USP42: variants seen among roughly 807,000 people sequenced by gnomAD.
The protein encoded by USP42 is ubiquitin carboxyl-terminal hydrolase 42.
Under a neutral mutation model 113.0 loss-of-function variants are expected in USP42, and 23 were observed. The observed-to-expected ratio is 0.20, with a 90% confidence interval of 0.15 to 0.29. The LOEUF is 0.29. Ranked by LOEUF, USP42 falls within the 10% of genes least tolerant of loss-of-function variation. USP42 has a pLI of 1.00. For missense variants in USP42, 2,174 were observed against 1,779.8 expected (o/e 1.22, Z -3.99); for synonymous variants, 933 against 699.0 (o/e 1.33, Z -5.28).
chr7:6,147,819 G>C lies in USP42; in HGVS notation c.1313G>C (p.Ser438Thr). The C allele has an allele frequency of 6.2e-7, 1 of 1,613,706 alleles. No homozygotes were observed. The highest frequency in any genetic ancestry group is 8.5e-7 in the Non-Finnish European group (1 of 1,179,730). Residue 438 changes from serine (S) to threonine (T), a missense_variant, in exon 12 of 18, where the codon AGT becomes ACT. Physicochemically the swap from Ser to Thr is moderately conservative, Grantham distance 58 (BLOSUM62 1). Coordinates refer to ENST00000306177, the MANE Select transcript of USP42 (RefSeq NM_032172.3). ...CAGTCCTCTCCCCGCCCCGTCATCA[G>C]TCAGCGGGTTGTCACCAACAAACAG... ...PGQSSPRPVI[S>T]QRVVTNKQAA...
rs1416430039 is a variant in USP42 at position 6,158,245 on chromosome 7, G to T, written c.3943+1190G>T. 6.6e-6 allele frequency among the ~76,000 whole-genome samples: 1 copy of T among 152,268 alleles called. No homozygotes were observed. The highest frequency in any genetic ancestry group is 2.4e-5 in the African/African-American group (1 of 41,474). On this transcript the variant is annotated intron_variant, in intron 16 of 17. Coordinates refer to ENST00000306177, the MANE Select transcript of USP42 (RefSeq NM_032172.3). The surrounding 1 kb of genome is among the most constrained non-coding windows in gnomAD (Gnocchi z 4.2). ...GCGGCTTCGCTGTCACTGCCTGGCA[G>T]AGGTGAGTGGCTGCGGCAGGGCAGG...
the USP42 span, among the ~76,000 whole-genome samples, chr7:6,094,740 C>T: frequency 2.0e-5 from 3 of 150,956 alleles, no homozygotes; most frequent in Non-Finnish European, 4.4e-5. Context: ...AACCTCCACC[C>T]TCAGCCCCAC....
chr7:6,147,885 T>C lies in USP42; in HGVS notation c.1379T>C (p.Met460Thr), dbSNP rs767461178. 3.0e-5 allele frequency: 48 copies of C among 1,608,332 alleles called. No individual in the cohort carries two copies. In the Admixed American group the frequency reaches 7.8e-4, roughly 26 times the overall value. Residue 460 changes from methionine to threonine, a missense_variant, in exon 12 of 18, where the codon ATG (methionine) becomes ACG (threonine). Met to Thr is a moderately conservative substitution (Grantham distance 81). Coordinates refer to ENST00000306177, the MANE Select transcript of USP42 (RefSeq NM_032172.3). The part of the protein sequence containing the change: ...GFIGPQLPSH[M>T]IKNPPHLNGT... ...ATCGGACCACAGCTTCCCTCTCACA[T>C]GATAAAGGTAACAGTCCTTAGGGAG... is the stretch of plus-strand genomic sequence containing the variant.
At position 6,111,248 on chromosome 7, in the gene USP42, G is replaced by A. The variant is rs771144608; in HGVS notation, c.115G>A (p.Gly39Ser). The change falls in exon 2 of 18, where the codon GGT (glycine) becomes AGT (serine). Residue 39 changes from glycine (G) to serine (S), a missense_variant. Physicochemically the swap from Gly to Ser is moderately conservative, Grantham distance 56 (BLOSUM62 0). Coordinates refer to ENST00000306177, the MANE Select transcript of USP42 (RefSeq NM_032172.3). Reference protein sequence around the residue: ...GDMDAGSASWGAVSSLNDVSN... With the variant: ...GDMDAGSASWSAVSSLNDVSN... ...CATGGATGCAGGTTCTGCCAGCTGG[G>A]GTGCTGTGTCTTCATTGAATGATGT... The A allele has an allele frequency of 1.2e-6, 2 of 1,608,566 alleles. No individual in the cohort carries two copies. Among genetic ancestry groups the A allele is most frequent in the Middle Eastern group, 1.7e-4 (1 of 6,058 alleles).
chr7:6,148,779 G>A (rs1337857908), intron 12 of USP42, among the ~76,000 whole-genome samples: 1 of 152,174 alleles, frequency 6.6e-6, no homozygotes, highest in South Asian at 2.1e-4. Flanking sequence ...ATGGACATCA[G>A]GCAGTATATT....
intron 12 of USP42, among the ~76,000 whole-genome samples, 169 bp from the exon 13 acceptor site, chr7:6,149,414 C>T (rs570493911): frequency 4.0e-5 from 6 of 150,604 alleles, no homozygotes; most frequent in Admixed American, 1.3e-4. Flanking sequence ...GGAAAGTATG[C>T]GCGGGTAGGA....
At chr7:6,114,025 C>T (rs533601553) in intron 2 of USP42, among the ~76,000 whole-genome samples, 1 of 152,258 alleles carries the variant, frequency 6.6e-6, no homozygotes, top group Non-Finnish European at 1.5e-5. Context: ...GTTTCTTGAG[C>T]TTCATCTTGA....
chr7:6,148,907 T>A (rs1781872041), intron 12 of USP42, among the ~76,000 whole-genome samples: 1 of 152,182 alleles, frequency 6.6e-6, no homozygotes, highest in African/African-American at 2.4e-5. Context: ...GAAGGGGTGG[T>A]TGGCATTGCT....
At chr7:6,090,759 A>G in the USP42 span, among the ~76,000 whole-genome samples, 10 of 145,742 alleles carry the variant, frequency 6.9e-5, no homozygotes, top group Admixed American at 1.4e-4. Flanking sequence ...ATTATATACT[A>G]TATATATTAT....
chr7:6,160,329 C>G (rs569434808), intron 17 of USP42, among the ~76,000 whole-genome samples: 5 of 152,282 alleles, frequency 3.3e-5, no homozygotes, highest in African/African-American at 1.2e-4. Flanking sequence ...GTGGAGGAGG[C>G]ATCTGGGGCG....
chr7:6,148,648 G>A (rs778439591), intron 12 of USP42, among the ~76,000 whole-genome samples: 3 of 152,216 alleles, frequency 2.0e-5, no homozygotes, highest in African/African-American at 4.8e-5. Context: ...GTGAGCTAGT[G>A]TCACAAGGAA....
Position 6,111,274 on chromosome 7 carries a change from G to A in USP42, c.141G>A (p.Val47=), listed in dbSNP as rs1273639363. 5 of 1,607,672 alleles carry A rather than the reference G, an allele frequency of 3.1e-6. No individual in the cohort carries two copies. The highest frequency in any genetic ancestry group is 4.2e-6 in the Non-Finnish European group (5 of 1,176,760). ...SWGAVSSLND[V]SNHTLSLGPV... ...GTGCTGTGTCTTCATTGAATGATGT[G>A]TCAAATCACACACTTTCTTTAGGAC... is the stretch of plus-strand genomic sequence containing the variant. Residue 47 remains valine, a synonymous_variant, in exon 2 of 18, where the codon GTG becomes GTA. Transcript: ENST00000306177.
chr7:6,159,584 G>A lies in USP42; in HGVS notation c.*36+91G>A. 3 of 1,351,522 alleles carry A rather than the reference G, an allele frequency of 2.2e-6. No individual in the cohort carries two copies. The highest frequency in any genetic ancestry group is 3.1e-6 in the Non-Finnish European group (3 of 963,538). 83.7% of individuals were successfully genotyped at this position (1,351,522 alleles called of 1,614,324 possible). A position where few individuals can be genotyped will look rare whatever the true frequency, so the allele number is the denominator to read the frequency against. The stretch of plus-strand genomic sequence containing the variant: ...GTTTTAATTCTGCGGCTCTGCCTGG[G>A]GGCTGGGCTCATAGGAGTTGGCAGA... On this transcript the variant is annotated intron_variant, in intron 17 of 17. Coordinates refer to ENST00000306177, the MANE Select transcript of USP42 (RefSeq NM_032172.3). The surrounding 1 kb of genome is among the most constrained non-coding windows in gnomAD (Gnocchi z 4.1).
intron 3 of USP42, among the ~76,000 whole-genome samples, chr7:6,117,681 T>G (rs1424635622): frequency 6.6e-6 from 1 of 152,264 alleles, no homozygotes; most frequent in East Asian, 1.9e-4. Context: ...ATCTTCCATT[T>G]GCTCCACATC....
intron 3 of USP42, chr7:6,116,500 A>G (rs1779918969): frequency 4.3e-6 from 1 of 232,840 alleles, no homozygotes; most frequent in Admixed American, 6.1e-5. Context: ...ATCTAAATTA[A>G]TGGCTCAGAT....
chr7:6,112,900 CTT>C (rs34002709), intron 2 of USP42, among the ~76,000 whole-genome samples: 21 of 102,734 alleles, frequency 2.0e-4, no homozygotes, highest in East Asian at 5.7e-4. Context: ...TAGTAAGTTT[CTT>C]TTTTTTTTTT....
At chr7:6,082,123 C>G in the USP42 span, among the ~76,000 whole-genome samples, 1 of 150,046 alleles carries the variant, frequency 6.7e-6, no homozygotes, top group Admixed American at 6.7e-5. Context: ...TTTATGGGTG[C>G]GAATTTATCC....
At chr7:6,100,496 AT>A (rs1469928388), upstream of USP42, among the ~76,000 whole-genome samples, 1 of 149,798 alleles carries the variant, frequency 6.7e-6, no homozygotes, top group Middle Eastern at 3.4e-3. Context: ...TGCCCGGCTA[AT>A]TTTTGTATTT....
At chr7:6,133,955 ATCTCAGCTCACTGCAAGC>A (rs1323275536) in intron 3 of USP42, among the ~76,000 whole-genome samples, 4 of 144,800 alleles carry the variant, frequency 2.8e-5, no homozygotes, top group African/African-American at 1.0e-4. Flanking sequence ...CAGTGGTGCC[ATCTCAGCTCACTGCAAGC>A]TCTGCTTCCT....
Sources: allele counts gnomAD v4.1 joint callset (sites outside exome capture counted in the v4.1 genomes callset), GRCh38; gene constraint gnomAD v4.1.1; non-coding constraint Gnocchi (gnomAD v3.1); transcripts MANE v1.5; gene names NCBI Gene and HGNC (gene_info 2026-07-23, HGNC 2026-07-21).